Variants in ADGRV1 observed in about 807,000 individuals in gnomAD.
ADGRV1 encodes the protein adhesion G protein-coupled receptor V1, also known as G-protein coupled receptor 98.
A neutral mutation model predicts 596.2 loss-of-function variants in ADGRV1; 359 were observed. That is an observed-to-expected ratio of 0.60 (90% CI 0.55 to 0.66). ADGRV1 has a LOEUF of 0.66. Among genes scored for constraint, ADGRV1 ranks in the 30% least tolerant of loss-of-function variants. ADGRV1 has a pLI of 0.00. For synonymous variants in ADGRV1, 2,681 were observed against 2,679.2 expected (o/e 1.00, Z -0.02); for missense variants, 7,274 against 7,575.6 (o/e 0.96, Z 1.48).
At chr5:90,791,460 A>G in intron 70 of ADGRV1, 114 bp downstream of exon 70, 1 of 745,774 alleles carries the variant, frequency 1.3e-6, no homozygotes, top group Non-Finnish European at 2.1e-6. Flanking sequence ...TGGAACCACA[A>G]AAAAATGCCC....
intron 70 of ADGRV1, among the ~76,000 whole-genome samples, chr5:90,797,765 A>T (rs1760913124): frequency 6.6e-6 from 1 of 152,350 alleles, no homozygotes; most frequent in Middle Eastern, 3.4e-3. Context: ...AATGGAAATA[A>T]TAACAGTCTT....
intron 50 of ADGRV1, among the ~76,000 whole-genome samples, chr5:90,739,914 A>C (rs1421548753): frequency 6.6e-6 from 1 of 152,208 alleles, no homozygotes; most frequent in Non-Finnish European, 1.5e-5. Context: ...AGTTGAGCAG[A>C]GTCAGATGCT....
intron 16 of ADGRV1, among the ~76,000 whole-genome samples, 164 bp downstream of exon 16, chr5:90,646,255 A>G (rs919283928): frequency 3.3e-5 from 5 of 152,030 alleles, no homozygotes; most frequent in Non-Finnish European, 5.9e-5. Context: ...ATAAAGCACA[A>G]TTGATGCTTG....
chr5:90,813,234 A>G (rs997726283), intron 74 of ADGRV1, among the ~76,000 whole-genome samples: 2 of 148,844 alleles, frequency 1.3e-5, no homozygotes, highest in African/African-American at 4.9e-5. Flanking sequence ...AGGTATTTGA[A>G]TATAACCAGG....
At chr5:90,809,180 T>C (rs1370570949) in intron 73 of ADGRV1, among the ~76,000 whole-genome samples, 2 of 151,396 alleles carry the variant, frequency 1.3e-5, no homozygotes, top group African/African-American at 2.4e-5. Context: ...ATGGTCTCGA[T>C]CTCCTGACCT....
chr5:90,816,352 A>AT (rs771288981), intron 75 of ADGRV1, among the ~76,000 whole-genome samples: 6 of 150,804 alleles, frequency 4.0e-5, no homozygotes, highest in African/African-American at 1.5e-4. Flanking sequence ...AGAAAAATAT[A>AT]TTTTTTTAAT....
At chr5:90,719,311 ACT>A (rs113415361) in intron 43 of ADGRV1, among the ~76,000 whole-genome samples, 8,919 of 150,662 alleles carry the variant, frequency 0.059, 358 homozygotes, top group South Asian at 0.13. Context: ...ACAGCACAAG[ACT>A]CTGTCTCATA....
At chr5:91,117,053 G>A (rs1048729226) in intron 87 of ADGRV1, among the ~76,000 whole-genome samples, 1 of 152,178 alleles carries the variant, frequency 6.6e-6, no homozygotes, top group African/African-American at 2.4e-5. Flanking sequence ...AGAAGTAGGT[G>A]AAGTGGAATG....
intron 78 of ADGRV1, among the ~76,000 whole-genome samples, chr5:90,841,283 G>A (rs1325571914): frequency 1.3e-5 from 2 of 152,062 alleles, no homozygotes; most frequent in African/African-American, 4.8e-5. Flanking sequence ...GGCAGTTGGC[G>A]ACTCTCCAGA....
chr5:90,923,900 G>C (rs1218552686), intron 83 of ADGRV1, among the ~76,000 whole-genome samples: 1 of 151,550 alleles, frequency 6.6e-6, no homozygotes, highest in Non-Finnish European at 1.5e-5. Flanking sequence ...TTGTTCTTGC[G>C]ATAGTTTACT....
intron 77 of ADGRV1, among the ~76,000 whole-genome samples, chr5:90,831,316 C>T (rs915590692): frequency 6.6e-6 from 1 of 151,706 alleles, no homozygotes; most frequent in Non-Finnish European, 1.5e-5. Flanking sequence ...TAAGTACACG[C>T]ACACACACAC....
At chr5:90,735,256 A>G (rs1314460148) in intron 50 of ADGRV1, among the ~76,000 whole-genome samples, 5 of 152,226 alleles carry the variant, frequency 3.3e-5, no homozygotes, top group Non-Finnish European at 7.3e-5. Flanking sequence ...TCTCAACACC[A>G]TTTATTGAAT....
chr5:90,627,815 T>G, intron 7 of ADGRV1, 39 bp downstream of exon 7: 2 of 1,248,302 alleles, frequency 1.6e-6, no homozygotes, highest in South Asian at 1.7e-5. Flanking sequence ...CATTATTTTA[T>G]TATATTATTC....
At chr5:91,160,315 A>G (rs1796837534) in intron 89 of ADGRV1, among the ~76,000 whole-genome samples, 1 of 152,206 alleles carries the variant, frequency 6.6e-6, no homozygotes, top group African/African-American at 2.4e-5. Context: ...TAGTAAACAA[A>G]GTTAGGTAAG....
At chr5:90,911,410 G>T (rs538580268) in intron 83 of ADGRV1, among the ~76,000 whole-genome samples, 58 of 152,162 alleles carry the variant, frequency 3.8e-4, no homozygotes, top group African/African-American at 1.3e-3. Flanking sequence ...ACCTCATGAG[G>T]TATATTCATG....
intron 21 of ADGRV1, among the ~76,000 whole-genome samples, chr5:90,670,193 C>A (rs1213713066): frequency 6.6e-6 from 1 of 152,076 alleles, no homozygotes; most frequent in Admixed American, 6.6e-5. Context: ...TGATTCTTAC[C>A]CAAAACCTGT....
At chr5:91,032,492 A>G (rs759566778) in intron 85 of ADGRV1, among the ~76,000 whole-genome samples, 12 of 152,074 alleles carry the variant, frequency 7.9e-5, no homozygotes, top group Non-Finnish European at 1.6e-4. Context: ...TATTTCACCA[A>G]TATTGGCTTA....
At chr5:90,812,959 A>G (rs757636156) in intron 74 of ADGRV1, among the ~76,000 whole-genome samples, 21 of 151,198 alleles carry the variant, frequency 1.4e-4, no homozygotes, top group Non-Finnish European at 2.8e-4. Context: ...GTGAAACCCC[A>G]TCTCTACTAA....
intron 1 of ADGRV1, among the ~76,000 whole-genome samples, chr5:90,566,853 G>A (rs1004883451): frequency 6.6e-6 from 1 of 151,968 alleles, no homozygotes; most frequent in Non-Finnish European, 1.5e-5. Context: ...GTAAAGTGCT[G>A]AATAGAAATA....
Sources: gnomAD v4.1 joint callset for allele counts (sites outside exome capture counted in the v4.1 genomes callset) on GRCh38, gnomAD v4.1.1 for gene constraint, MANE v1.5 for transcripts, NCBI Gene and HGNC (gene_info 2026-07-23, HGNC 2026-07-21) for gene names.